The following FOXP1 variants were observed in gnomAD, a reference collection of about 807,000 sequenced individuals.
FOXP1 encodes forkhead box protein P1.
FOXP1 carries 15 observed loss-of-function variants against 98.2 expected under a neutral mutation model. That is an observed-to-expected ratio of 0.15 (90% CI 0.10 to 0.24). The LOEUF (loss-of-function observed/expected upper bound fraction) is 0.24, where lower values mean the gene tolerates loss of function less well. FOXP1 is among the 10% of genes least tolerant of loss of function. FOXP1 has a pLI of 1.00. For missense variants in FOXP1, 633 were observed against 848.5 expected (o/e 0.75, Z 3.15); for synonymous variants, 371 against 314.5 (o/e 1.18, Z -1.90).
At chr3:71,413,259 GACACACACACACACACAC>G (rs528319234) in intron 3 of FOXP1, among the ~76,000 whole-genome samples, 4 of 64,414 alleles carry the variant, frequency 6.2e-5, no homozygotes, top group Admixed American at 2.3e-4. Flanking sequence ...CCCCCAAATA[GACACACACACACACACAC>G]ACACACACAC....
chr3:71,118,563 G>A (rs1455421615), intron 6 of FOXP1, among the ~76,000 whole-genome samples: 1 of 152,244 alleles, frequency 6.6e-6, no homozygotes. Flanking sequence ...ACTTGGTGAC[G>A]GGGTCTGAGA....
chr3:71,489,869 G>A (rs7617592), intron 3 of FOXP1, among the ~76,000 whole-genome samples: 72 of 152,114 alleles, frequency 4.7e-4, no homozygotes, highest in Admixed American at 9.2e-4. Flanking sequence ...TCATGGTTTC[G>A]TTTCCTTGTG....
chr3:71,423,492 T>G (rs1025674004), intron 3 of FOXP1, among the ~76,000 whole-genome samples: 9 of 152,196 alleles, frequency 5.9e-5, no homozygotes, highest in African/African-American at 2.2e-4. Flanking sequence ...CGCAAACTGC[T>G]CAACTTTATA....
intron 5 of FOXP1, among the ~76,000 whole-genome samples, chr3:71,200,223 G>A (rs2063585441): frequency 6.6e-6 from 1 of 151,818 alleles, no homozygotes; most frequent in African/African-American, 2.4e-5. Flanking sequence ...GATGTTCAAA[G>A]ATGAGAAAAG....
intron 4 of FOXP1, among the ~76,000 whole-genome samples, chr3:71,338,097 GCT>G (rs756306555): frequency 3.9e-5 from 6 of 152,196 alleles, no homozygotes; most frequent in Non-Finnish European, 8.8e-5. Flanking sequence ...CATGGCTTAT[GCT>G]CTCATAAAAT....
chr3:71,544,331 C>T (rs1350276309), intron 2 of FOXP1, among the ~76,000 whole-genome samples: 1 of 149,818 alleles, frequency 6.7e-6, no homozygotes, highest in Non-Finnish European at 1.5e-5. Flanking sequence ...ACATATATTT[C>T]CACTTTGACT....
chr3:71,109,512 T>C lies in FOXP1; in HGVS notation c.282+3024A>G, dbSNP rs17008221. On this transcript the variant is annotated intron_variant, in intron 7 of 20. Transcript: ENST00000649528. ...TCTATGCAGAAGATCTGAAATTTGC[T>C]AAAATCGGTCTCTCAGTGTAGTTAT... Among the ~76,000 whole-genome samples, 69 of 152,126 alleles carry C rather than the reference T, an allele frequency of 4.5e-4. No individual in the cohort carries two copies. The East Asian group carries it at 0.01, about 23-fold the overall frequency.
chr3:71,387,701 A>G (rs114167257), intron 3 of FOXP1, among the ~76,000 whole-genome samples: 2,744 of 152,356 alleles, frequency 0.018, 92 homozygotes, highest in African/African-American at 0.062. Context: ...ATTACACATT[A>G]TAAACTCAAT....
chr3:70,966,320 G>A (rs1387442589), intron 19 of FOXP1: 4 of 499,346 alleles, frequency 8.0e-6, no homozygotes, highest in African/African-American at 5.8e-5. Context: ...CTGCTTGGTA[G>A]TCACATGGTT....
chr3:71,335,384 T>C (rs1055116509), intron 4 of FOXP1: 2 of 152,190 alleles, frequency 1.3e-5, no homozygotes, highest in East Asian at 1.9e-4. Context: ...AAGTATTTAG[T>C]ATTGTTATTC....
rs55826932 is a variant in FOXP1, at chr3:71,549,860, T to TAA, written c.-298+31687_-298+31688dup. On this transcript the variant is annotated intron_variant, in intron 2 of 20. Coordinates refer to ENST00000649528, the MANE Select transcript of FOXP1 (RefSeq NM_001349338.3). ...TTACAGAATACTCTAATGCTGGGAG[T>TAA]AAAAAAAAAAAAAAAAAAAAAAAAA... 2.2e-3 allele frequency among the ~76,000 whole-genome samples: 131 copies of TAA among 59,918 alleles called. 10 individuals carry two copies. Among genetic ancestry groups the TAA allele is most frequent in the Non-Finnish European group, 3.0e-3 (95 of 31,234 alleles). The allele number at this position is 59,918 out of a possible 152,430, so 39.3% of individuals were successfully genotyped here. A position where few individuals can be genotyped will look rare whatever the true frequency, so the allele number is the denominator to read the frequency against.
chr3:71,291,146 T>C (rs997995006), intron 5 of FOXP1, among the ~76,000 whole-genome samples: 32 of 152,140 alleles, frequency 2.1e-4, no homozygotes, highest in Admixed American at 8.5e-4. Flanking sequence ...GGTTGTCCAC[T>C]CCCTCTAAAC....
At chr3:71,022,429 G>A (rs2045570428) in intron 11 of FOXP1, among the ~76,000 whole-genome samples, 1 of 152,132 alleles carries the variant, frequency 6.6e-6, no homozygotes, top group Non-Finnish European at 1.5e-5. Flanking sequence ...TAGGGGGAGA[G>A]ATAGGTTTTT....
At chr3:71,515,376 A>G (rs1445224707) in intron 2 of FOXP1, among the ~76,000 whole-genome samples, 2 of 151,584 alleles carry the variant, frequency 1.3e-5, no homozygotes, top group Non-Finnish European at 2.9e-5. Flanking sequence ...GATTAAATTT[A>G]AAAGAAACGT....
At chr3:71,427,463 T>C (rs1007732563) in intron 3 of FOXP1, among the ~76,000 whole-genome samples, 1 of 152,170 alleles carries the variant, frequency 6.6e-6, no homozygotes. Flanking sequence ...AGATGGAGTT[T>C]GCAAGGAGAT....
chr3:71,230,188 C>T lies in FOXP1; in HGVS notation c.-11-31796G>A, dbSNP rs139654547. Among the ~76,000 whole-genome samples the T allele has an allele frequency of 3.7e-3, 561 of 152,324 alleles. 4 individuals carry two copies. Among genetic ancestry groups the T allele is most frequent in the African/African-American group, 0.013 (544 of 41,578 alleles). ...TGCAAAGGCCGCAGGCTTACAAGAG[C>T]GTCACTGTGCGGCTGTGAAGTGTTC... On this transcript the variant is annotated intron_variant, in intron 5 of 20. Coordinates refer to ENST00000649528, the MANE Select transcript of FOXP1 (RefSeq NM_001349338.3).
Position 71,214,357 on chromosome 3 carries a change from T to C in FOXP1, c.-11-15965A>G, listed in dbSNP as rs866301357. On this transcript the variant is annotated intron_variant, in intron 5 of 20. Coordinates refer to ENST00000649528, the MANE Select transcript of FOXP1 (RefSeq NM_001349338.3). ...GAGAAAGACAGGGCTTGAGGTGCCCTGAATAGGTAGAACAGGTACCAACAG... is the reference window on the plus strand; with the variant it reads ...GAGAAAGACAGGGCTTGAGGTGCCCCGAATAGGTAGAACAGGTACCAACAG... Among the ~76,000 whole-genome samples, 5 of 152,232 alleles carry C rather than the reference T, an allele frequency of 3.3e-5. 1 individual carries two copies. The highest frequency in any genetic ancestry group is 4.2e-4 in the South Asian group (2 of 4,802).
intron 5 of FOXP1, among the ~76,000 whole-genome samples, chr3:71,230,306 G>A (rs1283341922): frequency 6.6e-6 from 1 of 152,184 alleles, no homozygotes; most frequent in Non-Finnish European, 1.5e-5. Flanking sequence ...AACAAATGCA[G>A]TGAAATTCTA....
At chr3:71,151,148 A>G (rs1185444019) in intron 6 of FOXP1, among the ~76,000 whole-genome samples, 1 of 152,210 alleles carries the variant, frequency 6.6e-6, no homozygotes, top group African/African-American at 2.4e-5. Flanking sequence ...TCTGAGTCTC[A>G]GCCTTCTCAA....
Sources: gnomAD v4.1 joint callset for allele counts (sites outside exome capture counted in the v4.1 genomes callset) on GRCh38, gnomAD v4.1.1 for gene constraint, MANE v1.5 for transcripts, NCBI Gene and HGNC (gene_info 2026-07-23, HGNC 2026-07-21) for gene names.